Variants in EBF1 observed in about 807,000 individuals in gnomAD.
EBF1 encodes the protein transcription factor COE1.
Under a neutral mutation model 68.4 loss-of-function variants are expected in EBF1, and 10 were observed. That is an observed-to-expected ratio of 0.15 (90% confidence interval 0.09 to 0.25). The LOEUF (loss-of-function observed/expected upper bound fraction) is 0.25, where lower values mean the gene tolerates loss of function less well. EBF1 is among the 10% of genes least tolerant of loss of function. The pLI is 1.00. For missense variants in EBF1, 509 were observed against 794.4 expected (o/e 0.64, Z 4.32); for synonymous variants, 298 against 299.8 (o/e 0.99, Z 0.06).
chr5:159,076,152 T>C (rs1211087667), intron 5 of EBF1, among the ~76,000 whole-genome samples: 2 of 152,154 alleles, frequency 1.3e-5, no homozygotes, highest in Admixed American at 1.3e-4. Context: ...CTTTAACTCA[T>C]AGACTTCGTA....
intron 6 of EBF1, among the ~76,000 whole-genome samples, chr5:158,906,904 T>C (rs566140259): frequency 1.7e-4 from 26 of 152,344 alleles, no homozygotes; most frequent in South Asian, 1.2e-3. Flanking sequence ...TGTACATATA[T>C]GATGCTGACT....
Position 158,698,359 on chromosome 5 carries a change from T to C in EBF1, c.*752A>G. On this transcript the variant is annotated 3_prime_UTR_variant, in exon 16 of 16. Coordinates refer to ENST00000313708, the MANE Select transcript of EBF1 (RefSeq NM_024007.5). The stretch of plus-strand genomic sequence containing the variant: ...ATGAGATCAGATTTAAATATGCAGT[T>C]TTAACAATCTGTCTAGAGGCACTGG... 1 of 224,346 alleles carries C rather than the reference T, an allele frequency of 4.5e-6. No homozygotes were observed. Among genetic ancestry groups the C allele is most frequent in the Admixed American group, 5.7e-5 (1 of 17,444 alleles). The allele number at this position is 224,346 out of a possible 1,614,324, so 13.9% of individuals were successfully genotyped here. A position where few individuals can be genotyped will look rare whatever the true frequency, so the allele number is the denominator to read the frequency against.
chr5:158,998,512 A>C (rs931944675), intron 6 of EBF1, among the ~76,000 whole-genome samples: 1 of 152,230 alleles, frequency 6.6e-6, no homozygotes, highest in Non-Finnish European at 1.5e-5. Flanking sequence ...TGGAATAGAC[A>C]GGTATTCGAT....
At chr5:159,043,244 T>G (rs904299978) in intron 6 of EBF1, among the ~76,000 whole-genome samples, 3 of 152,184 alleles carry the variant, frequency 2.0e-5, no homozygotes, top group African/African-American at 7.2e-5. Flanking sequence ...CCAGCATGTA[T>G]GTTTGGACTC....
chr5:158,978,797 T>TAC (rs57930371), intron 6 of EBF1, among the ~76,000 whole-genome samples: 2,158 of 142,954 alleles, frequency 0.015, 42 homozygotes, highest in East Asian at 0.036. Context: ...CACACACACA[T>TAC]ACACACACAC....
chr5:158,864,226 A>AC lies in EBF1; in HGVS notation c.555-24117_555-24116insG, dbSNP rs1246787390. ...GTGACAGAGCAAGACTCTGTCTCAAAAAAAAAAAAAAAAAAAAAAAAAATC... is the reference window on the plus strand; with the variant it reads ...GTGACAGAGCAAGACTCTGTCTCAAACAAAAAAAAAAAAAAAAAAAAAAATC... On this transcript the variant is annotated intron_variant, in intron 6 of 15. Coordinates refer to ENST00000313708, the MANE Select transcript of EBF1 (RefSeq NM_024007.5). Among the ~76,000 whole-genome samples, 3 of 109,952 alleles carry AC rather than the reference A, an allele frequency of 2.7e-5. No homozygotes were observed. The East Asian group carries it at 8.3e-4, about 31-fold the overall frequency. 72.1% of individuals were successfully genotyped at this position (109,952 alleles called of 152,430 possible). A position where few individuals can be genotyped will look rare whatever the true frequency, so the allele number is the denominator to read the frequency against.
intron 8 of EBF1, 59 bp from the exon 9 acceptor site, chr5:158,796,534 G>T (rs1378735832): frequency 6.7e-7 from 1 of 1,499,838 alleles, no homozygotes; most frequent in South Asian, 1.4e-5. Context: ...AAACTTTAAT[G>T]ATGAAGACTT....
At chr5:159,075,076 T>C (rs1311452488) in intron 5 of EBF1, among the ~76,000 whole-genome samples, 1 of 152,198 alleles carries the variant, frequency 6.6e-6, no homozygotes, top group East Asian at 1.9e-4. Flanking sequence ...GAACACTGGT[T>C]CTGAAATCTG....
chr5:158,744,064 G>T (rs535869164), intron 10 of EBF1, among the ~76,000 whole-genome samples: 13 of 152,040 alleles, frequency 8.6e-5, no homozygotes, highest in African/African-American at 3.1e-4. Context: ...CCAGCTACTT[G>T]GGAGGCTGAG....
chr5:158,799,697 G>C (rs912926987), intron 8 of EBF1, among the ~76,000 whole-genome samples: 1 of 152,146 alleles, frequency 6.6e-6, no homozygotes, highest in African/African-American at 2.4e-5. Context: ...CATCTGTAAT[G>C]CAACGGGAAG....
At chr5:159,037,662 G>T (rs558454050) in intron 6 of EBF1, among the ~76,000 whole-genome samples, 1 of 119,954 alleles carries the variant, frequency 8.3e-6, no homozygotes, top group Non-Finnish European at 1.7e-5. Context: ...GTGGTGGGGT[G>T]GGGGGAGGGG....
At chr5:159,014,047 GCA>G (rs1765182731) in intron 6 of EBF1, among the ~76,000 whole-genome samples, 1 of 152,146 alleles carries the variant, frequency 6.6e-6, no homozygotes. Context: ...GGCTTCCTAA[GCA>G]CACAACATAA....
At chr5:158,984,155 A>G (rs1042365911) in intron 6 of EBF1, among the ~76,000 whole-genome samples, 10 of 152,162 alleles carry the variant, frequency 6.6e-5, no homozygotes, top group African/African-American at 2.4e-4. Context: ...TCTAAATTCA[A>G]CTTATTGCTT....
intron 6 of EBF1, among the ~76,000 whole-genome samples, chr5:158,858,524 A>G (rs1794439855): frequency 6.6e-6 from 1 of 152,188 alleles, no homozygotes; most frequent in Non-Finnish European, 1.5e-5. Flanking sequence ...AAAGAAACCA[A>G]GGCTTAAGGG....
chr5:159,043,071 T>C (rs919175059), intron 6 of EBF1, among the ~76,000 whole-genome samples: 4 of 152,224 alleles, frequency 2.6e-5, no homozygotes, highest in African/African-American at 7.2e-5. Context: ...CAGGTACCTA[T>C]AGAATGTATT....
At position 159,099,722 on chromosome 5, in the gene EBF1, G is replaced by C; in HGVS notation, c.-244C>G. 3.5e-6 allele frequency: 1 copy of C among 284,462 alleles called. No individual in the cohort carries two copies. The highest frequency in any genetic ancestry group is 6.1e-6 in the Non-Finnish European group (1 of 163,360). 17.6% of individuals were successfully genotyped at this position (284,462 alleles called of 1,614,324 possible). A position where few individuals can be genotyped will look rare whatever the true frequency, so the allele number is the denominator to read the frequency against. On this transcript the variant is annotated 5_prime_UTR_variant, in exon 1 of 16. Transcript: ENST00000313708. ...AAAAAGAAGAAAGGGAAAATCCAAC[G>C]AAAAGACCAAAATAATAAAATTAGA...
chr5:158,779,477 T>G (rs1775973893), intron 9 of EBF1, among the ~76,000 whole-genome samples: 1 of 152,164 alleles, frequency 6.6e-6, no homozygotes, highest in African/African-American at 2.4e-5. Context: ...GTACCTATGC[T>G]CTCTCCATTT....
In EBF1 at chr5:158,828,349, G is replaced by A. The variant is rs528311021; in HGVS notation, c.637-5032C>T. Among the ~76,000 whole-genome samples the A allele has an allele frequency of 1.9e-4, 29 of 152,288 alleles. No individual in the cohort carries two copies. In the South Asian group the frequency reaches 5.8e-3, roughly 30 times the overall value. The stretch of plus-strand genomic sequence containing the variant: ...ACCTTAGAATGTGACTGTATTTTCA[G>A]ATAGGGCTTTGATTACTTTAAAATG... On this transcript the variant is annotated intron_variant, in intron 7 of 15. Transcript: ENST00000313708.
At chr5:158,754,036 G>T (rs1213940656) in intron 10 of EBF1, among the ~76,000 whole-genome samples, 4 of 151,984 alleles carry the variant, frequency 2.6e-5, no homozygotes, top group Non-Finnish European at 5.9e-5. Flanking sequence ...CTGACTGTTA[G>T]AACATGAGGC....
Sources: allele counts gnomAD v4.1 joint callset (sites outside exome capture counted in the v4.1 genomes callset), GRCh38; gene constraint gnomAD v4.1.1; transcripts MANE v1.5; gene names NCBI Gene and HGNC (gene_info 2026-07-23, HGNC 2026-07-21).